The following SLC35F3 variants were observed in gnomAD, a reference collection of about 807,000 sequenced individuals.
SLC35F3 encodes the protein solute carrier family 35 member F3, also known as putative thiamine transporter SLC35F3.
Under a neutral mutation model 49.9 loss-of-function variants are expected in SLC35F3, and 25 were observed. The observed-to-expected ratio is 0.50, with a 90% CI of 0.37 to 0.70. The LOEUF is 0.70. Ranked by LOEUF, SLC35F3 falls within the 30% of genes least tolerant of loss-of-function variation. SLC35F3 has a pLI of 0.00. For missense variants in SLC35F3, 525 were observed against 639.8 expected (o/e 0.82, Z 1.94); for synonymous variants, 275 against 265.4 (o/e 1.04, Z -0.35).
chr1:234,111,845 G>A (rs1665411847), intron 2 of SLC35F3, among the ~76,000 whole-genome samples: 1 of 152,212 alleles, frequency 6.6e-6, no homozygotes, highest in African/African-American at 2.4e-5. Context: ...ACAATGAGAT[G>A]GGGCTTTCAG....
At chr1:234,175,576 G>A (rs1666463719) in intron 2 of SLC35F3, among the ~76,000 whole-genome samples, 1 of 149,478 alleles carries the variant, frequency 6.7e-6, no homozygotes, top group African/African-American at 2.5e-5. Flanking sequence ...GCCAGGAGGA[G>A]CACTTGGGCT....
At chr1:234,054,894 G>A (rs1225429886) in intron 2 of SLC35F3, among the ~76,000 whole-genome samples, 1 of 152,210 alleles carries the variant, frequency 6.6e-6, no homozygotes, top group East Asian at 1.9e-4. Context: ...GTCTGTTGGA[G>A]TTTGCTGGAG....
At chr1:234,292,554 G>A (rs939133635) in intron 3 of SLC35F3, among the ~76,000 whole-genome samples, 4 of 152,220 alleles carry the variant, frequency 2.6e-5, no homozygotes, top group Admixed American at 1.3e-4. Context: ...TGTGGTGCCT[G>A]TTGGGGCATC....
intron 3 of SLC35F3, among the ~76,000 whole-genome samples, chr1:234,272,049 T>C (rs772235247): frequency 1.3e-5 from 2 of 152,056 alleles, no homozygotes; most frequent in Non-Finnish European, 2.9e-5. Flanking sequence ...TCATTTGAGC[T>C]CAGGATGCAG....
chr1:233,975,808 C>T (rs576883340), intron 2 of SLC35F3, among the ~76,000 whole-genome samples: 203 of 152,296 alleles, frequency 1.3e-3, no homozygotes, highest in African/African-American at 4.4e-3. Flanking sequence ...GTGCAGGTTG[C>T]CAGGGCAGGG....
chr1:234,100,255 G>A (rs1665194207), intron 2 of SLC35F3, among the ~76,000 whole-genome samples: 1 of 152,162 alleles, frequency 6.6e-6, no homozygotes, highest in Non-Finnish European at 1.5e-5. Flanking sequence ...AAACCTTTGT[G>A]GAAAGAACCA....
chr1:234,116,480 C>A, intron 2 of SLC35F3, among the ~76,000 whole-genome samples: 1 of 129,248 alleles, frequency 7.7e-6, no homozygotes, highest in South Asian at 2.8e-4. Flanking sequence ...GAGCCACCCT[C>A]CCTCCCACCC....
At chr1:234,009,676 A>T (rs1253763051) in intron 2 of SLC35F3, among the ~76,000 whole-genome samples, 1 of 152,186 alleles carries the variant, frequency 6.6e-6, no homozygotes, top group Non-Finnish European at 1.5e-5. Context: ...TACGTAAAGG[A>T]TCTATGTTAC....
chr1:234,236,303 G>A (rs1160333480), intron 3 of SLC35F3, among the ~76,000 whole-genome samples: 4 of 152,036 alleles, frequency 2.6e-5, no homozygotes, highest in South Asian at 2.1e-4. Context: ...TTAGCCAGGC[G>A]TGATGGTGCA....
rs35591525 is a variant in SLC35F3, at chr1:234,322,193, CAA to C, written c.1238-800_1238-799del. Among the ~76,000 whole-genome samples, 110 of 116,468 alleles carry C rather than the reference CAA, an allele frequency of 9.4e-4. 1 individual carries two copies. Among genetic ancestry groups the C allele is most frequent in the African/African-American group, 1.5e-3 (48 of 31,862 alleles). The allele number at this position is 116,468 out of a possible 152,430, so 76.4% of individuals were successfully genotyped here. On this transcript the variant is annotated intron_variant, in intron 7 of 7. Coordinates refer to ENST00000366618, the MANE Select transcript of SLC35F3 (RefSeq NM_173508.4). ...TGTGTGACAGAGTGAGACCCTGTCT[CAA>C]AAAAAAAAAAAAAATACAGTTGACC...
At chr1:234,225,623 C>T (rs2102947507) in intron 2 of SLC35F3, among the ~76,000 whole-genome samples, 1 of 152,314 alleles carries the variant, frequency 6.6e-6, no homozygotes, top group East Asian at 1.9e-4. Context: ...GTTCTATCTG[C>T]CTTGTACCGC....
chr1:233,964,711 A>G (rs1355564014), intron 2 of SLC35F3, among the ~76,000 whole-genome samples: 1 of 152,216 alleles, frequency 6.6e-6, no homozygotes, highest in Non-Finnish European at 1.5e-5. Flanking sequence ...CAGCAGAGAG[A>G]TGTGCAACAG....
intron 2 of SLC35F3, among the ~76,000 whole-genome samples, chr1:233,927,682 A>G (rs1167176778): frequency 6.6e-6 from 1 of 152,148 alleles, no homozygotes; most frequent in African/African-American, 2.4e-5. Flanking sequence ...AGAAAATTAA[A>G]TAACTGAATT....
intron 2 of SLC35F3, among the ~76,000 whole-genome samples, chr1:234,126,142 T>A (rs887127878): frequency 1.3e-5 from 2 of 152,210 alleles, no homozygotes; most frequent in African/African-American, 4.8e-5. Context: ...TAGGAACTAT[T>A]GTTTTCTGTT....
chr1:234,224,521 C>T (rs868831555), intron 2 of SLC35F3, among the ~76,000 whole-genome samples: 30 of 152,196 alleles, frequency 2.0e-4, no homozygotes, highest in African/African-American at 7.0e-4. Flanking sequence ...GTCCCATACA[C>T]ACTCAGTCTT....
chr1:234,021,127 G>A (rs887752292), intron 2 of SLC35F3, among the ~76,000 whole-genome samples: 3 of 152,140 alleles, frequency 2.0e-5, no homozygotes, highest in Non-Finnish European at 2.9e-5. Context: ...TCTTGCACAC[G>A]TCTTTGATGC....
chr1:234,135,972 G>A (rs1012988040), intron 2 of SLC35F3, among the ~76,000 whole-genome samples: 29 of 152,176 alleles, frequency 1.9e-4, no homozygotes, highest in African/African-American at 6.5e-4. Context: ...ACCAAGGGCC[G>A]GATCAAGGGC....
chr1:234,161,356 C>A (rs1359257395), intron 2 of SLC35F3, among the ~76,000 whole-genome samples: 1 of 152,104 alleles, frequency 6.6e-6, no homozygotes, highest in Admixed American at 6.5e-5. Context: ...TAATCCAAAT[C>A]TGTCTTTCTG....
At chr1:234,235,271 C>A (rs1375616254) in intron 3 of SLC35F3, among the ~76,000 whole-genome samples, 1 of 152,218 alleles carries the variant, frequency 6.6e-6, no homozygotes, top group Non-Finnish European at 1.5e-5. Flanking sequence ...GGCAGCCCAA[C>A]CCTTATCTTC....
Sources: gnomAD v4.1 joint callset for allele counts (sites outside exome capture counted in the v4.1 genomes callset) on GRCh38, gnomAD v4.1.1 for gene constraint, MANE v1.5 for transcripts, NCBI Gene and HGNC (gene_info 2026-07-23, HGNC 2026-07-21) for gene names.